NKAIN3: variants seen among roughly 807,000 people sequenced by gnomAD.
The protein encoded by NKAIN3 is sodium/potassium-transporting ATPase subunit beta-1-interacting protein 3.
Under a neutral mutation model 30.2 loss-of-function variants are expected in NKAIN3, and 25 were observed. The ratio of observed to expected loss-of-function variants is 0.83; its 90% CI spans 0.60 to 1.16. The LOEUF (loss-of-function observed/expected upper bound fraction) is 1.16. Ranked by LOEUF, NKAIN3 falls within the 50% of genes most tolerant of loss-of-function variation. The pLI is 0.00. For missense variants in NKAIN3, 225 were observed against 254.1 expected, an observed-to-expected ratio of 0.89 and a Z score of 0.78; for synonymous variants, 91 against 89.6, an observed-to-expected ratio of 1.02 and a Z score of -0.09.
intron 1 of NKAIN3, among the ~76,000 whole-genome samples, chr8:62,467,794 T>G (rs774969524): frequency 3.3e-5 from 5 of 152,110 alleles, no homozygotes; most frequent in Non-Finnish European, 2.9e-5. Context: ...GAGACAAGGT[T>G]TCACTTTGTC....
At position 62,519,469 on chromosome 8, in the gene NKAIN3, T is replaced by C. The variant is rs1481351602; in HGVS notation, c.55-60070T>C. On this transcript the variant is annotated intron_variant, in intron 1 of 6. Coordinates refer to ENST00000623646, the MANE Select transcript of NKAIN3 (RefSeq NM_001304533.3). ...AGAATCTATGATCATATACTCAATATGAATGCCTACAATCACAGGGATTAC... is the reference window on the plus strand; with the variant it reads ...AGAATCTATGATCATATACTCAATACGAATGCCTACAATCACAGGGATTAC... Among the ~76,000 whole-genome samples the C allele has an allele frequency of 2.0e-5, 3 of 152,282 alleles. No individual in the cohort carries two copies. The East Asian group carries it at 5.8e-4, about 29-fold the overall frequency.
Position 62,690,609 on chromosome 8 carries a change from T to C in NKAIN3, c.274-56323T>C, listed in dbSNP as rs375505883. Among the ~76,000 whole-genome samples the C allele has an allele frequency of 1.2e-4, 19 of 152,120 alleles. No homozygotes were observed. The South Asian group carries it at 2.3e-3, about 18-fold the overall frequency. ...CAGTCTGGCTGGCAGCACTGAAGAG[T>C]AGACGGTTGTCCAGAGGCTGGGTAA... is the stretch of plus-strand genomic sequence containing the variant. On this transcript the variant is annotated intron_variant, in intron 3 of 6. Transcript: ENST00000623646.
chr8:62,709,046 C>T (rs1814631077), intron 3 of NKAIN3, among the ~76,000 whole-genome samples: 1 of 152,162 alleles, frequency 6.6e-6, no homozygotes, highest in Non-Finnish European at 1.5e-5. Flanking sequence ...ATGTGTTAAA[C>T]CATCCCTGCA....
intron 3 of NKAIN3, among the ~76,000 whole-genome samples, chr8:62,597,890 G>T (rs1441060277): frequency 6.6e-6 from 1 of 151,488 alleles, no homozygotes; most frequent in Non-Finnish European, 1.5e-5. Flanking sequence ...TTTTGTTTTT[G>T]TTCATTATGT....
At chr8:62,657,939 C>T (rs1007044956) in intron 3 of NKAIN3, among the ~76,000 whole-genome samples, 2 of 152,174 alleles carry the variant, frequency 1.3e-5, no homozygotes, top group Non-Finnish European at 2.9e-5. Context: ...GCTCTGTAAA[C>T]ATCCAAATAA....
chr8:62,461,165 G>C (rs564854052), intron 1 of NKAIN3, among the ~76,000 whole-genome samples: 2 of 152,148 alleles, frequency 1.3e-5, no homozygotes, highest in African/African-American at 4.8e-5. Context: ...CACACACATA[G>C]AGTCCCTCAG....
intron 3 of NKAIN3, among the ~76,000 whole-genome samples, chr8:62,740,286 T>A (rs571279137): frequency 6.6e-6 from 1 of 152,132 alleles, no homozygotes; most frequent in African/African-American, 2.4e-5. Flanking sequence ...CAAAGCACAC[T>A]CTGTAAAATT....
chr8:62,584,955 C>A (rs1563470618), intron 2 of NKAIN3, among the ~76,000 whole-genome samples: 1 of 152,166 alleles, frequency 6.6e-6, no homozygotes, highest in Non-Finnish European at 1.5e-5. Context: ...TAGGCCAATT[C>A]CTGTATGTAC....
intron 1 of NKAIN3, among the ~76,000 whole-genome samples, chr8:62,330,157 G>T (rs539371072): frequency 1.4e-4 from 21 of 152,158 alleles, no homozygotes; most frequent in African/African-American, 5.1e-4. Context: ...TGAGGTTAGG[G>T]AGAGGTGAGT....
intron 1 of NKAIN3, among the ~76,000 whole-genome samples, chr8:62,292,711 T>C (rs1337819854): frequency 6.6e-6 from 1 of 152,232 alleles, no homozygotes; most frequent in Non-Finnish European, 1.5e-5. Flanking sequence ...GACAATTATG[T>C]GTCTTGGAGT....
intron 4 of NKAIN3, among the ~76,000 whole-genome samples, chr8:62,817,643 C>T (rs1818725166): frequency 6.6e-6 from 1 of 152,136 alleles, no homozygotes. Flanking sequence ...TCTATCCCCC[C>T]AGAACCTCTG....
chr8:62,491,353 CATTGTTATTTTGCCTAG>C (rs1003651571), intron 1 of NKAIN3, among the ~76,000 whole-genome samples: 1 of 152,056 alleles, frequency 6.6e-6, no homozygotes, highest in African/African-American at 2.4e-5. Context: ...ATGTTGTCTC[CATTGTTATTTTGCCTAG>C]ATTACTTGTT....
At chr8:62,515,670 G>C (rs1029388967) in intron 1 of NKAIN3, among the ~76,000 whole-genome samples, 2 of 152,030 alleles carry the variant, frequency 1.3e-5, no homozygotes, top group African/African-American at 4.8e-5. Context: ...TTCCAGAAAC[G>C]CTACATTAAT....
intron 1 of NKAIN3, among the ~76,000 whole-genome samples, chr8:62,462,164 G>T (rs567258546): frequency 6.6e-6 from 1 of 152,144 alleles, no homozygotes; most frequent in African/African-American, 2.4e-5. Flanking sequence ...GGGCACAGGC[G>T]CAGATGGGAT....
intron 4 of NKAIN3, among the ~76,000 whole-genome samples, chr8:62,905,681 C>T (rs527261294): frequency 6.0e-4 from 91 of 152,280 alleles, no homozygotes; most frequent in African/African-American, 2.0e-3. Flanking sequence ...CAGTGTTCAA[C>T]GCTCACTCAT....
intron 1 of NKAIN3, among the ~76,000 whole-genome samples, chr8:62,505,275 C>T (rs1032116775): frequency 6.6e-6 from 1 of 151,990 alleles, no homozygotes; most frequent in Non-Finnish European, 1.5e-5. Flanking sequence ...TGTGTTTAGC[C>T]CTAGGTATTG....
intron 1 of NKAIN3, among the ~76,000 whole-genome samples, chr8:62,424,868 A>G (rs1250496358): frequency 3.9e-5 from 6 of 151,930 alleles, no homozygotes; most frequent in Non-Finnish European, 1.5e-5. Context: ...TACAATAGTC[A>G]AAATATGGAA....
Position 62,275,642 on chromosome 8 carries a change from A to G in NKAIN3, c.54+26515A>G, listed in dbSNP as rs542330954. ...ACATAGCTAAATGTTTTTAGGTTAA[A>G]GGAGTAGAAGAATCCTATGAAATTT... On this transcript the variant is annotated intron_variant, in intron 1 of 6. Transcript: ENST00000623646. 5.9e-5 allele frequency among the ~76,000 whole-genome samples: 9 copies of G among 152,332 alleles called. No homozygotes were observed. The South Asian group carries it at 1.7e-3, about 28-fold the overall frequency.
chr8:62,320,198 C>T (rs543338663), intron 1 of NKAIN3, among the ~76,000 whole-genome samples: 1,803 of 152,210 alleles, frequency 0.012, 31 homozygotes, highest in African/African-American at 0.041. Context: ...GATCTTCCTC[C>T]ATCCCTTTAT....
Sources: gnomAD v4.1 joint callset for allele counts (sites outside exome capture counted in the v4.1 genomes callset) on GRCh38, gnomAD v4.1.1 for gene constraint, MANE v1.5 for transcripts, NCBI Gene and HGNC (gene_info 2026-07-23, HGNC 2026-07-21) for gene names.